KIF6: variants seen among roughly 807,000 people sequenced by gnomAD.
The protein encoded by KIF6 is kinesin family member 6.
A neutral mutation model predicts 112.7 loss-of-function variants in KIF6; 106 were observed. The ratio of observed to expected loss-of-function variants is 0.94; its 90% CI spans 0.80 to 1.11. The LOEUF (loss-of-function observed/expected upper bound fraction) is 1.11. Ranked by LOEUF, KIF6 falls within the 50% of genes least tolerant of loss-of-function variation. The pLI, the probability that KIF6 is intolerant of heterozygous loss-of-function variation, is 0.00. For synonymous variants in KIF6, 339 were observed against 339.9 expected (o/e 1.00, Z 0.03); for missense variants, 929 against 964.0 (o/e 0.96, Z 0.48).
At position 39,420,017 on chromosome 6, in the gene KIF6, A is replaced by T; in HGVS notation, c.1755-14T>A. The stretch of plus-strand genomic sequence containing the variant: ...GCTTCAGAAAATCTGGAGGGGAAAA[A>T]AATGAAAATTGTAGTTTTTCTGTTC... On this transcript the variant is annotated splice_polypyrimidine_tract_variant and intron_variant, in intron 14 of 22. Coordinates refer to ENST00000287152, the MANE Select transcript of KIF6 (RefSeq NM_145027.6). The T allele has an allele frequency of 6.2e-7, 1 of 1,600,298 alleles. No homozygotes were observed. Among genetic ancestry groups the T allele is most frequent in the Non-Finnish European group, 8.6e-7 (1 of 1,167,622 alleles).
intron 7 of KIF6, among the ~76,000 whole-genome samples, chr6:39,591,058 T>C (rs1391721580): frequency 6.6e-6 from 1 of 152,236 alleles, no homozygotes; most frequent in African/African-American, 2.4e-5. Flanking sequence ...AAGAATTCTT[T>C]TTCCCTAATC....
intron 10 of KIF6, among the ~76,000 whole-genome samples, chr6:39,576,726 C>G (rs904195837): frequency 6.6e-6 from 1 of 152,196 alleles, no homozygotes; most frequent in African/African-American, 2.4e-5. Flanking sequence ...CCTGTTGTCC[C>G]TGCAATCCTA....
At chr6:39,508,160 G>C (rs1776550471) in intron 13 of KIF6, among the ~76,000 whole-genome samples, 1 of 151,874 alleles carries the variant, frequency 6.6e-6, no homozygotes. Flanking sequence ...CCATGTGTTA[G>C]CAATGCATGG....
At chr6:39,619,707 T>C (rs762818009) in intron 5 of KIF6, among the ~76,000 whole-genome samples, 1 of 152,150 alleles carries the variant, frequency 6.6e-6, no homozygotes, top group East Asian at 1.9e-4. Context: ...TCAGCAAAGA[T>C]AGAACCATAC....
chr6:39,378,150 C>G lies in KIF6; in HGVS notation c.1861+7472G>C, dbSNP rs1201787326. 6.6e-6 allele frequency among the ~76,000 whole-genome samples: 1 copy of G among 151,954 alleles called. No individual in the cohort carries two copies. Among genetic ancestry groups the G allele is most frequent in the African/African-American group, 2.4e-5 (1 of 41,332 alleles). ...CAGAAGTTGGGTCAAGGGGTAAACG[C>G]AGAGAAGCGTAAATGCAGAGAAACC... On this transcript the variant is annotated intron_variant, in intron 16 of 22. Transcript: ENST00000287152. The surrounding 1 kb of genome is among the most constrained non-coding windows in gnomAD (Gnocchi z 5.0).
intron 16 of KIF6, among the ~76,000 whole-genome samples, chr6:39,377,749 C>T (rs988114572): frequency 2.0e-5 from 3 of 152,184 alleles, no homozygotes; most frequent in Non-Finnish European, 2.9e-5. Context: ...CTCTCCAACC[C>T]GTAAGGCCCT....
At position 39,360,550 on chromosome 6, in the gene KIF6, G is replaced by A; in HGVS notation, c.1947-20C>T. On this transcript the variant is annotated intron_variant, in intron 17 of 22. Coordinates refer to ENST00000287152, the MANE Select transcript of KIF6 (RefSeq NM_145027.6). ...TTATACCTGCGGTGGAATCGGGGAA[G>A]AGTCAGGGCACTGCTGTCTTGAAAG... The A allele has an allele frequency of 6.2e-7, 1 of 1,614,112 alleles. No individual in the cohort carries two copies.
At chr6:39,670,756 C>T (rs763189052) in intron 3 of KIF6, among the ~76,000 whole-genome samples, 1 of 152,100 alleles carries the variant, frequency 6.6e-6, no homozygotes, top group East Asian at 1.9e-4. Flanking sequence ...TTTAGTGAGT[C>T]CTCCTCCCTT....
At chr6:39,388,814 A>G (rs1767636522) in intron 15 of KIF6, among the ~76,000 whole-genome samples, 1 of 152,184 alleles carries the variant, frequency 6.6e-6, no homozygotes, top group Non-Finnish European at 1.5e-5. Flanking sequence ...ATGAAATGGA[A>G]ACAGAGAACT....
intron 16 of KIF6, among the ~76,000 whole-genome samples, chr6:39,381,332 AGT>A (rs1270140368): frequency 6.6e-6 from 1 of 152,190 alleles, no homozygotes; most frequent in African/African-American, 2.4e-5. Flanking sequence ...GAGAATGGAG[AGT>A]GAGAGAAAGT....
intron 15 of KIF6, among the ~76,000 whole-genome samples, chr6:39,405,077 G>A (rs6916028): frequency 0.88 from 133,694 of 152,000 alleles, 59,029 homozygotes; most frequent in East Asian, 0.99. Context: ...GTATCCTACA[G>A]TCTTGCTAAA....
chr6:39,482,040 A>ACACACACC (rs926486343), intron 13 of KIF6, among the ~76,000 whole-genome samples: 16 of 147,886 alleles, frequency 1.1e-4, no homozygotes, highest in African/African-American at 3.8e-4. Flanking sequence ...ACACACACAC[A>ACACACACC]CCCCACTGGG....
intron 7 of KIF6, among the ~76,000 whole-genome samples, chr6:39,592,679 C>G (rs915123052): frequency 6.6e-6 from 1 of 152,128 alleles, no homozygotes; most frequent in Non-Finnish European, 1.5e-5. Flanking sequence ...TTTCTAAGGC[C>G]AAGATGTACC....
chr6:39,337,168 CTTCCTTCT>C (rs1422259173), intron 22 of KIF6, among the ~76,000 whole-genome samples: 1,516 of 48,346 alleles, frequency 0.031, 31 homozygotes, highest in Middle Eastern at 0.042. Context: ...TCTTTCTTTC[CTTCCTTCT>C]TTCTTTCTTT....
In KIF6 at chr6:39,476,698, G is replaced by A. The variant is rs566117435; in HGVS notation, c.1646-45537C>T. On this transcript the variant is annotated intron_variant, in intron 13 of 22. Coordinates refer to ENST00000287152, the MANE Select transcript of KIF6 (RefSeq NM_145027.6). Reference sequence around the variant, plus strand: ...AATAAACAAGAACTCATGGAAAAGAGGTGTGGGATTCTTCTTTTCCCAGTC... The same window carrying A: ...AATAAACAAGAACTCATGGAAAAGAAGTGTGGGATTCTTCTTTTCCCAGTC... Among the ~76,000 whole-genome samples, 45 of 152,256 alleles carry A rather than the reference G, an allele frequency of 3.0e-4. No homozygotes were observed. The South Asian group carries it at 9.3e-3, about 32-fold the overall frequency.
At chr6:39,361,483 C>T (rs759196596) in intron 17 of KIF6, among the ~76,000 whole-genome samples, 27 of 143,658 alleles carry the variant, frequency 1.9e-4, no homozygotes, top group Non-Finnish European at 2.6e-4. Context: ...TGCTTGAACC[C>T]GGGAGATGGA....
chr6:39,576,650 G>A (rs1162806582), intron 10 of KIF6, among the ~76,000 whole-genome samples: 1 of 152,170 alleles, frequency 6.6e-6, no homozygotes, highest in African/African-American at 2.4e-5. Context: ...CTGTCACACA[G>A]CACTCAGTAT....
intron 3 of KIF6, among the ~76,000 whole-genome samples, chr6:39,713,154 G>A (rs988937359): frequency 1.3e-5 from 2 of 152,196 alleles, no homozygotes; most frequent in African/African-American, 2.4e-5. Context: ...GGAACAGCAA[G>A]AGGAAATGGT....
intron 13 of KIF6, among the ~76,000 whole-genome samples, chr6:39,444,035 C>T: frequency 6.6e-6 from 1 of 152,180 alleles, no homozygotes; most frequent in East Asian, 1.9e-4. Context: ...AAAGCTGATG[C>T]TTATTGAGAA....
Sources: allele counts gnomAD v4.1 joint callset (sites outside exome capture counted in the v4.1 genomes callset), GRCh38; gene constraint gnomAD v4.1.1; non-coding constraint Gnocchi (gnomAD v3.1); transcripts MANE v1.5; gene names NCBI Gene and HGNC (gene_info 2026-07-23, HGNC 2026-07-21).